GPR89B: variants seen among roughly 807,000 people sequenced by gnomAD.
GPR89B encodes G protein-coupled receptor 89B.
GPR89B carries 25 observed loss-of-function variants against 52.4 expected under a neutral mutation model. The ratio of observed to expected loss-of-function variants is 0.48; its 90% confidence interval spans 0.35 to 0.67. The LOEUF (loss-of-function observed/expected upper bound fraction) is 0.67. Among genes scored for constraint, GPR89B ranks in the 30% least tolerant of loss-of-function variants. The pLI, the probability that GPR89B is intolerant of heterozygous loss-of-function variation, is 0.01. For synonymous variants in GPR89B, 52 were observed against 151.2 expected (o/e 0.34, Z 4.81); for missense variants, 146 against 450.2 (o/e 0.32, Z 6.11).
intron 10 of GPR89B, among the ~76,000 whole-genome samples, chr1:147,975,005 A>G (rs1657733295): frequency 6.6e-6 from 1 of 152,002 alleles, no homozygotes; most frequent in Non-Finnish European, 1.5e-5. Context: ...CCAGTGTTGC[A>G]TACCGGGGAT....
intron 8 of GPR89B, chr1:147,968,043 C>G (rs1291250585): frequency 3.0e-6 from 1 of 335,200 alleles, no homozygotes; most frequent in African/African-American, 2.2e-5. Flanking sequence ...GAAGTATGTG[C>G]TTCTATTTTA....
the GPR89B span, among the ~76,000 whole-genome samples, chr1:148,004,302 G>A: frequency 9.9e-5 from 15 of 151,064 alleles, no homozygotes; most frequent in Non-Finnish European, 1.3e-4. Context: ...GACTACAGGC[G>A]CCCGCCACCG....
intron 10 of GPR89B, among the ~76,000 whole-genome samples, chr1:147,985,768 A>G (rs1658617344): frequency 6.6e-6 from 1 of 151,464 alleles, no homozygotes; most frequent in Non-Finnish European, 1.5e-5. Flanking sequence ...ATTTTTCATT[A>G]TTCCATTTGA....
chr1:147,943,389 G>A, intron 3 of GPR89B, 49 bp from the exon 4 acceptor site: 1 of 1,598,168 alleles, frequency 6.3e-7, no homozygotes, highest in African/African-American at 1.3e-5. Context: ...GAGAAAGAAA[G>A]TTGCTGCCCT....
At chr1:147,958,212 G>A (rs1656269194) in intron 7 of GPR89B, among the ~76,000 whole-genome samples, 1 of 152,100 alleles carries the variant, frequency 6.6e-6, no homozygotes, top group African/African-American at 2.4e-5. Flanking sequence ...TACATTTATT[G>A]TTTATTTTAC....
chr1:147,995,536 T>C (rs1417948127), downstream of GPR89B: 2 of 1,562,068 alleles, frequency 1.3e-6, no homozygotes, highest in Non-Finnish European at 1.8e-6. Flanking sequence ...AATATACTCA[T>C]AGGGACTGTA....
At chr1:147,928,701 A>G in intron 1 of GPR89B, 123 bp downstream of exon 1, 1 of 1,369,256 alleles carries the variant, frequency 7.3e-7, no homozygotes, top group South Asian at 1.2e-5. Context: ...TGCGCCAGTC[A>G]CTCTGGCACA....
chr1:147,990,536 T>C (rs1257080291), intron 12 of GPR89B, among the ~76,000 whole-genome samples: 1 of 152,244 alleles, frequency 6.6e-6, no homozygotes, highest in African/African-American at 2.4e-5. Flanking sequence ...GCCTATGTCC[T>C]GAATGTTATT....
At position 147,944,014 on chromosome 1, in the gene GPR89B, C is replaced by CTT. The variant is rs782044418; in HGVS notation, c.336_337dup (p.Ser113PhefsTer7). 39 of 1,560,058 alleles carry CTT rather than the reference C, an allele frequency of 2.5e-5. 1 individual carries two copies. In the South Asian group the frequency reaches 4.6e-4, roughly 19 times the overall value. On this transcript the variant is annotated frameshift_variant, in exon 5 of 14. Coordinates refer to ENST00000314163, the MANE Select transcript of GPR89B (RefSeq NM_016334.5). LOFTEE classifies it high-confidence loss of function. The stretch of plus-strand genomic sequence containing the variant: ...TGTCTCAGTGCATAAACAACGACTG[C>CTT]TTTTTTCCTGTCTCTTATGGCTGAC...
Position 147,928,579 on chromosome 1 carries a change from G to T in GPR89B, c.42+1G>T. The T allele has an allele frequency of 6.2e-7, 1 of 1,613,896 alleles. No homozygotes were observed. The highest frequency in any genetic ancestry group is 8.5e-7 in the Non-Finnish European group (1 of 1,179,802). On this transcript the variant is annotated splice_donor_variant, in intron 1 of 13. Transcript: ENST00000314163. LOFTEE classifies it high-confidence loss of function. ...CTCCAGCATCATGATTACCTCCCAG[G>T]TGAGTCACCGCCTCCCGCCCCGACA...
intron 5 of GPR89B, among the ~76,000 whole-genome samples, chr1:147,945,506 G>A (rs1654893509): frequency 6.6e-6 from 1 of 152,194 alleles, no homozygotes; most frequent in East Asian, 1.9e-4. Flanking sequence ...GAGGAGATAT[G>A]CAGTTTTGAA....
intron 10 of GPR89B, among the ~76,000 whole-genome samples, chr1:147,971,814 A>C (rs1273128605): frequency 1.3e-5 from 2 of 151,722 alleles, no homozygotes; most frequent in East Asian, 3.9e-4. Context: ...GTTGGGGTAT[A>C]ACTGATATGT....
chr1:148,010,637 TTG>T, the GPR89B span: 1 of 152,100 alleles, frequency 6.6e-6, no homozygotes, highest in Non-Finnish European at 1.5e-5. Context: ...GGGAAAGAAT[TTG>T]TGATTGTCTC....
chr1:147,949,576 GACCCCCCCACCT>G (rs1413197612), intron 5 of GPR89B, among the ~76,000 whole-genome samples: 14 of 133,522 alleles, frequency 1.0e-4, no homozygotes, highest in Admixed American at 2.8e-4. Flanking sequence ...GCGGGGGGCT[GACCCCCCCACCT>G]CCCTCCAGGA....
At chr1:147,985,180 G>T (rs1468098754) in intron 10 of GPR89B, among the ~76,000 whole-genome samples, 3 of 152,016 alleles carry the variant, frequency 2.0e-5, no homozygotes, top group African/African-American at 4.8e-5. Context: ...TGTACCCCTT[G>T]TTGAAATGAT....
In GPR89B at chr1:147,990,653, A is replaced by C. The variant is rs1333554871; in HGVS notation, c.1096-1849A>C. 2.6e-5 allele frequency among the ~76,000 whole-genome samples: 4 copies of C among 152,242 alleles called. No homozygotes were observed. In the East Asian group the frequency reaches 7.7e-4, roughly 29 times the overall value. On this transcript the variant is annotated intron_variant, in intron 12 of 13. Transcript: ENST00000314163. ...AGGTGTAAGGAAGGGATCCAGTTTC[A>C]GCTTTCTACATATGGCTAGCCAGTT...
In GPR89B at chr1:147,976,975, C is replaced by T. The variant is rs1178913396; in HGVS notation, c.909+7016C>T. 9.9e-5 allele frequency among the ~76,000 whole-genome samples: 15 copies of T among 151,702 alleles called. 1 individual carries two copies. The highest frequency in any genetic ancestry group is 3.6e-4 in the African/African-American group (15 of 41,132). On this transcript the variant is annotated intron_variant, in intron 10 of 13. Coordinates refer to ENST00000314163, the MANE Select transcript of GPR89B (RefSeq NM_016334.5). ...TTGAGCTGGGCGTGGTGGCTCACGC[C>T]GGTAATCCCAGCACTTTGGGAGGCC...
chr1:147,939,551 C>T (rs1654371445), intron 3 of GPR89B, among the ~76,000 whole-genome samples: 1 of 151,950 alleles, frequency 6.6e-6, no homozygotes. Flanking sequence ...GGATTCAGTG[C>T]CAAGGTAAGT....
chr1:147,961,364 A>G (rs1656542469), intron 7 of GPR89B, among the ~76,000 whole-genome samples: 2 of 151,994 alleles, frequency 1.3e-5, no homozygotes, highest in Non-Finnish European at 2.9e-5. Context: ...AACTACACCT[A>G]TGTGTATATA....
Sources: gnomAD v4.1 joint callset for allele counts (sites outside exome capture counted in the v4.1 genomes callset) on GRCh38, gnomAD v4.1.1 for gene constraint, MANE v1.5 for transcripts, NCBI Gene and HGNC (gene_info 2026-07-23, HGNC 2026-07-21) for gene names.